PLAAT5: variants seen among roughly 807,000 people sequenced by gnomAD.
The protein encoded by PLAAT5 is Ca(2+)-independent N-acyltransferase.
In PLAAT5, 27 loss-of-function variants were observed where a neutral mutation model predicts 27.8. That is an observed-to-expected ratio of 0.97 (90% confidence interval 0.72 to 1.34). The LOEUF (loss-of-function observed/expected upper bound fraction) is 1.34, where lower values mean the gene tolerates loss of function less well. Ranked by LOEUF, PLAAT5 falls within the 40% of genes most tolerant of loss-of-function variation. The pLI, the probability that PLAAT5 is intolerant of heterozygous loss-of-function variation, is 0.00. For synonymous variants in PLAAT5, 125 were observed against 136.1 expected (o/e 0.92, Z 0.57); for missense variants, 368 against 343.8 (o/e 1.07, Z -0.56).
rs2016446438 is a variant in PLAAT5, at chr11:63,486,808, A to G, written c.345+2063T>C. Among the ~76,000 whole-genome samples, 3 of 152,250 alleles carry G rather than the reference A, an allele frequency of 2.0e-5. No individual in the cohort carries two copies. In the South Asian group the frequency reaches 6.2e-4, roughly 31 times the overall value. On this transcript the variant is annotated intron_variant, in intron 3 of 5. Transcript: ENST00000540857. ...ACCACCTGTTCCCCCAAAACTATTGAAATAAAAATACAGATAAAAATGTAT... is the reference window on the plus strand; with the variant it reads ...ACCACCTGTTCCCCCAAAACTATTGGAATAAAAATACAGATAAAAATGTAT...
intron 5 of PLAAT5, among the ~76,000 whole-genome samples, chr11:63,465,138 C>T (rs760122018): frequency 2.0e-5 from 3 of 151,844 alleles, no homozygotes; most frequent in African/African-American, 4.8e-5. Flanking sequence ...ATTAGCCAGA[C>T]GTGGTGGCGC....
intron 3 of PLAAT5, among the ~76,000 whole-genome samples, chr11:63,479,127 G>A (rs187923748): frequency 2.3e-4 from 35 of 152,318 alleles, no homozygotes; most frequent in South Asian, 6.2e-4. Context: ...AATCCCGGAA[G>A]CCGGTAGTAT....
At chr11:63,473,559 T>G (rs1337818839) in intron 3 of PLAAT5, among the ~76,000 whole-genome samples, 1 of 152,220 alleles carries the variant, frequency 6.6e-6, no homozygotes, top group Non-Finnish European at 1.5e-5. Context: ...GGTGCCCTTT[T>G]TCAAGTTGAG....
In PLAAT5 at chr11:63,477,716, G is replaced by A. The variant is rs190340937; in HGVS notation, c.346-9251C>T. ...TCTCGAACTCCTGACCTCATGATCCGCCCACATCAGCCTCCCAAAGTGCTG... is the reference window on the plus strand; with the variant it reads ...TCTCGAACTCCTGACCTCATGATCCACCCACATCAGCCTCCCAAAGTGCTG... On this transcript the variant is annotated intron_variant, in intron 3 of 5. Transcript: ENST00000540857. Among the ~76,000 whole-genome samples, 321 of 152,110 alleles carry A rather than the reference G, an allele frequency of 2.1e-3. 2 individuals are homozygous for A. The highest frequency in any genetic ancestry group is 3.7e-3 in the Non-Finnish European group (253 of 67,966).
rs1483441747 is a variant in PLAAT5 at position 63,480,117 on chromosome 11, T to C, written c.345+8754A>G. 2.6e-5 allele frequency among the ~76,000 whole-genome samples: 4 copies of C among 152,304 alleles called. 1 individual carries two copies. Among genetic ancestry groups the C allele is most frequent in the African/African-American group, 9.6e-5 (4 of 41,560 alleles). On this transcript the variant is annotated intron_variant, in intron 3 of 5. Transcript: ENST00000540857. ...GTCTGTTCTTTGTAGGAACATGCGG[T>C]CCGTTCTTCACCATCCCTCCACCTT... is the stretch of plus-strand genomic sequence containing the variant.
At chr11:63,471,599 GCT>G (rs1314899676) in intron 3 of PLAAT5, among the ~76,000 whole-genome samples, 1 of 152,190 alleles carries the variant, frequency 6.6e-6, no homozygotes, top group Admixed American at 6.5e-5. Context: ...AAGTGGAGAG[GCT>G]CTTTGTGGTT....
chr11:63,469,082 A>G (rs1304597658), intron 3 of PLAAT5, among the ~76,000 whole-genome samples: 1 of 150,294 alleles, frequency 6.7e-6, no homozygotes, highest in African/African-American at 2.5e-5. Context: ...CTTGCCCAGC[A>G]AATGCAAACT....
chr11:63,464,738 T>G (rs2015812469), intron 5 of PLAAT5, among the ~76,000 whole-genome samples: 1 of 152,194 alleles, frequency 6.6e-6, no homozygotes, highest in Non-Finnish European at 1.5e-5. Context: ...TTAACATGAA[T>G]AGCCCAAGTT....
At chr11:63,478,478 C>T (rs141584959) in intron 3 of PLAAT5, among the ~76,000 whole-genome samples, 1 of 152,178 alleles carries the variant, frequency 6.6e-6, no homozygotes, top group Non-Finnish European at 1.5e-5. Context: ...CGCGCCACCA[C>T]GCCCTGCTGA....
At chr11:63,470,498 C>T in intron 3 of PLAAT5, 1 of 154,766 alleles carries the variant, frequency 6.5e-6, no homozygotes, top group East Asian at 1.9e-4. Flanking sequence ...ATAAACTCTA[C>T]AAATCTGAAA....
At chr11:63,488,290 A>G (rs2016483932) in intron 3 of PLAAT5, among the ~76,000 whole-genome samples, 1 of 150,920 alleles carries the variant, frequency 6.6e-6, no homozygotes, top group African/African-American at 2.5e-5. Context: ...TGGTATGGGA[A>G]GAGAGAGGGA....
chr11:63,468,284 A>G lies in PLAAT5; in HGVS notation c.454+73T>C, dbSNP rs2015917134. On this transcript the variant is annotated intron_variant, in intron 4 of 5. Coordinates refer to ENST00000540857, the MANE Select transcript of PLAAT5 (RefSeq NM_001146729.2). ...TAAAGAATGGCAGTAACTGAGGAAC[A>G]CAGTAATTAACTGTGCTTCTATTTA... is the stretch of plus-strand genomic sequence containing the variant. The G allele has an allele frequency of 4.6e-6, 5 of 1,095,736 alleles. No individual in the cohort carries two copies. The South Asian group carries it at 6.5e-5, about 14-fold the overall frequency. The allele number at this position is 1,095,736 out of a possible 1,614,324, so 67.9% of individuals were successfully genotyped here.
At chr11:63,488,711 T>C (rs1273368992) in intron 3 of PLAAT5, among the ~76,000 whole-genome samples, 160 bp downstream of exon 3, 1 of 151,228 alleles carries the variant, frequency 6.6e-6, no homozygotes, top group African/African-American at 2.4e-5. Context: ...CTATCGTCAG[T>C]GTTAGTGTAT....
intron 2 of PLAAT5, among the ~76,000 whole-genome samples, chr11:63,489,676 T>C (rs1265838895): frequency 6.6e-6 from 1 of 152,238 alleles, no homozygotes; most frequent in African/African-American, 2.4e-5. Context: ...GATGAAAATG[T>C]GTCTCACAGT....
At chr11:63,465,739 A>G (rs2015843695) in intron 5 of PLAAT5, among the ~76,000 whole-genome samples, 1 of 152,152 alleles carries the variant, frequency 6.6e-6, no homozygotes, top group Non-Finnish European at 1.5e-5. Flanking sequence ...GCAATGAGCC[A>G]TGATTATGTC....
rs2015722774 is a variant in PLAAT5, at chr11:63,461,771, T to G, written c.*1732A>C. The G allele has an allele frequency of 6.6e-6, 1 of 152,158 alleles. No individual in the cohort carries two copies. The highest frequency in any genetic ancestry group is 1.5e-5 in the Non-Finnish European group (1 of 68,044). 9.4% of individuals were successfully genotyped at this position (152,158 alleles called of 1,614,324 possible). ...TGTGCCTTGTGTCTTCCTAGCCAACTCAGAACTCCTCACATCCAGCCCCCA... is the reference window on the plus strand; with the variant it reads ...TGTGCCTTGTGTCTTCCTAGCCAACGCAGAACTCCTCACATCCAGCCCCCA... On this transcript the variant is annotated 3_prime_UTR_variant, in exon 6 of 6. Coordinates refer to ENST00000540857, the MANE Select transcript of PLAAT5 (RefSeq NM_001146729.2).
chr11:63,488,386 T>C (rs61929697), intron 3 of PLAAT5, among the ~76,000 whole-genome samples: 7,093 of 152,220 alleles, frequency 0.047, 219 homozygotes, highest in African/African-American at 0.076. Flanking sequence ...GATATATATA[T>C]AGATGTCAAA....
rs2015720497 is a variant in PLAAT5 at position 63,461,700 on chromosome 11, G to A, written c.*1803C>T. 1 of 152,210 alleles carries A rather than the reference G, an allele frequency of 6.6e-6. No homozygotes were observed. The highest frequency in any genetic ancestry group is 6.5e-5 in the Admixed American group (1 of 15,278). The allele number at this position is 152,210 out of a possible 1,614,324, so 9.4% of individuals were successfully genotyped here. A position where few individuals can be genotyped will look rare whatever the true frequency, so the allele number is the denominator to read the frequency against. ...TCTCAGCCTGATGGACAGCTTGGAA[G>A]TGGAAGGGACCAATGTCCAGCAAGT... On this transcript the variant is annotated 3_prime_UTR_variant, in exon 6 of 6. Transcript: ENST00000540857.
chr11:63,479,927 C>T (rs981904857), intron 3 of PLAAT5, among the ~76,000 whole-genome samples: 2 of 152,230 alleles, frequency 1.3e-5, no homozygotes, highest in African/African-American at 4.8e-5. Context: ...GGGAAAGCCA[C>T]TTGACACGTT....
Sources: allele counts gnomAD v4.1 joint callset (sites outside exome capture counted in the v4.1 genomes callset), GRCh38; gene constraint gnomAD v4.1.1; transcripts MANE v1.5; gene names NCBI Gene and HGNC (gene_info 2026-07-23, HGNC 2026-07-21).